The following NSMCE1 variants were observed in gnomAD, a reference collection of about 807,000 sequenced individuals.
The protein encoded by NSMCE1 is NSE1 component of SMC5/6 complex.
In NSMCE1, 18 loss-of-function variants were observed where a neutral mutation model predicts 29.6. The ratio of observed to expected loss-of-function variants is 0.61; its 90% confidence interval spans 0.42 to 0.90. The LOEUF (loss-of-function observed/expected upper bound fraction) is 0.90. NSMCE1 is among the 40% of genes least tolerant of loss of function. The pLI, the probability that NSMCE1 is intolerant of heterozygous loss-of-function variation, is 0.00. For synonymous variants in NSMCE1, 124 were observed against 133.4 expected, an observed-to-expected ratio of 0.93 and a Z score of 0.49; for missense variants, 314 against 343.6, an observed-to-expected ratio of 0.91 and a Z score of 0.68.
intron 2 of NSMCE1, among the ~76,000 whole-genome samples, chr16:27,253,680 G>A (rs1045335507): frequency 9.9e-5 from 15 of 152,168 alleles, no homozygotes; most frequent in Non-Finnish European, 1.9e-4. Context: ...TATGACTCAT[G>A]AGAGCCATGG....
chr16:27,229,782 TC>T (rs2083743380), intron 5 of NSMCE1, among the ~76,000 whole-genome samples: 1 of 152,186 alleles, frequency 6.6e-6, no homozygotes, highest in South Asian at 2.1e-4. Context: ...TTTCACCATA[TC>T]GGCCAGGCTG....
At chr16:27,267,535 G>C (rs1216405518) in intron 1 of NSMCE1, among the ~76,000 whole-genome samples, 1 of 151,904 alleles carries the variant, frequency 6.6e-6, no homozygotes, top group South Asian at 2.1e-4. Context: ...TGAGAAAAGT[G>C]AGTGAACAGA....
At chr16:27,235,414 G>A in intron 2 of NSMCE1, 115 bp from the exon 3 acceptor site, 5 of 1,167,662 alleles carry the variant, frequency 4.3e-6, no homozygotes, top group South Asian at 1.3e-5. Flanking sequence ...CCCCAGACAT[G>A]GGTGGAGGCT....
At chr16:27,252,583 G>C (rs1473788839) in intron 2 of NSMCE1, among the ~76,000 whole-genome samples, 1 of 152,046 alleles carries the variant, frequency 6.6e-6, no homozygotes, top group East Asian at 1.9e-4. Flanking sequence ...AGGTGTTCGA[G>C]ACCAGCCTAG....
intron 1 of NSMCE1, among the ~76,000 whole-genome samples, chr16:27,262,924 G>T (rs896432977): frequency 6.6e-6 from 1 of 152,042 alleles, no homozygotes; most frequent in Non-Finnish European, 1.5e-5. Flanking sequence ...CATACATGTG[G>T]TCAACAAGCA....
rs1567273455 is a variant in NSMCE1, at chr16:27,232,907, C to T, written c.483+94G>A. On this transcript the variant is annotated intron_variant, in intron 5 of 7. Transcript: ENST00000361439. The surrounding 1 kb of genome is among the most constrained non-coding windows in gnomAD (Gnocchi z 4.5). ...TAAGGGATCCGAGAAGGCCGGGCTC[C>T]TCAGACATCAGTTGGCTACAAGTAC... 15 of 1,355,746 alleles carry T rather than the reference C, an allele frequency of 1.1e-5. No individual in the cohort carries two copies. The highest frequency in any genetic ancestry group is 1.2e-5 in the Non-Finnish European group (12 of 969,014). The allele number at this position is 1,355,746 out of a possible 1,614,324, so 84.0% of individuals were successfully genotyped here.
At chr16:27,266,056 T>C (rs534374580) in intron 1 of NSMCE1, among the ~76,000 whole-genome samples, 31 of 152,266 alleles carry the variant, frequency 2.0e-4, no homozygotes, top group Admixed American at 1.9e-3. Context: ...CACAATTGTA[T>C]AGGTATGTTA....
At chr16:27,226,642 G>A in intron 6 of NSMCE1, 78 bp downstream of exon 6, 2 of 917,612 alleles carry the variant, frequency 2.2e-6, no homozygotes, top group South Asian at 1.5e-5. Flanking sequence ...CCAGAGCCAG[G>A]ATTCCGGGAA....
At chr16:27,250,804 T>A (rs1448414547) in intron 2 of NSMCE1, among the ~76,000 whole-genome samples, 1 of 149,584 alleles carries the variant, frequency 6.7e-6, no homozygotes, top group Non-Finnish European at 1.5e-5. Context: ...AAAAATAAAA[T>A]AAAATAATAA....
At chr16:27,236,292 CTTTTT>C (rs35108912) in intron 2 of NSMCE1, among the ~76,000 whole-genome samples, 7 of 92,108 alleles carry the variant, frequency 7.6e-5, no homozygotes, top group African/African-American at 2.5e-4. Context: ...TGCTGTGAAA[CTTTTT>C]TTTTTTTTTT....
chr16:27,238,211 C>T (rs1039009632), intron 2 of NSMCE1, among the ~76,000 whole-genome samples: 2 of 152,222 alleles, frequency 1.3e-5, no homozygotes, highest in Admixed American at 6.5e-5. Context: ...TGGGGCCCTG[C>T]GTGAGCCTCT....
rs765473129 is a variant in NSMCE1, at chr16:27,240,589, C to T, written c.137-5290G>A. ...CTGAGGAAAGGCAAAGACCCTGGAG[C>T]GAACAGAGCCACTCTTCCTTTAACA... On this transcript the variant is annotated intron_variant, in intron 2 of 7. Transcript: ENST00000361439. Among the ~76,000 whole-genome samples, 10 of 152,244 alleles carry T rather than the reference C, an allele frequency of 6.6e-5. No individual in the cohort carries two copies. In the East Asian group the frequency reaches 7.7e-4, roughly 12 times the overall value.
intron 2 of NSMCE1, among the ~76,000 whole-genome samples, chr16:27,249,269 A>C (rs1218809317): frequency 6.6e-6 from 1 of 152,174 alleles, no homozygotes; most frequent in African/African-American, 2.4e-5. Context: ...GTATTTTTTA[A>C]TGTAAATTTT....
chr16:27,233,785 A>G (rs2083787293), intron 4 of NSMCE1, among the ~76,000 whole-genome samples: 1 of 152,256 alleles, frequency 6.6e-6, no homozygotes, highest in African/African-American at 2.4e-5. Flanking sequence ...GGCACCTGGC[A>G]AAAATGCAGA....
Position 27,235,234 on chromosome 16 carries a change from A to G in NSMCE1, c.202T>C (p.Tyr68His). The change falls in exon 3 of 8, where the codon TAT becomes CAT. Residue 68 changes from tyrosine to histidine, a missense_variant. Coordinates refer to ENST00000361439, the MANE Select transcript of NSMCE1 (RefSeq NM_145080.4). ...NNINSVLESL[Y>H]IEIKRGVTED... ...GTGACTCCTCTCTTTATCTCAATAT[A>G]CAAGGACTCCAAGACACTGTTAATG... 6.2e-7 allele frequency: 1 copy of G among 1,613,734 alleles called. No homozygotes were observed. Among genetic ancestry groups the G allele is most frequent in the Non-Finnish European group, 8.5e-7 (1 of 1,179,724 alleles).
chr16:27,234,355 T>C, intron 3 of NSMCE1, 90 bp from the exon 4 acceptor site: 1 of 857,836 alleles, frequency 1.2e-6, no homozygotes, highest in Admixed American at 1.7e-5. Flanking sequence ...CTCCTCCATC[T>C]CTGGCCAGTC....
intron 2 of NSMCE1, chr16:27,241,943 A>T (rs1464112421): frequency 5.1e-6 from 2 of 393,792 alleles, no homozygotes; most frequent in East Asian, 1.5e-4. Context: ...ATGTCTGGCC[A>T]TTAGCTGGAT....
At chr16:27,242,810 C>T (rs4499236) in intron 2 of NSMCE1, among the ~76,000 whole-genome samples, 90,236 of 152,098 alleles carry the variant, frequency 0.59, 27,593 homozygotes, top group East Asian at 0.84. Flanking sequence ...GCAGCTCTGA[C>T]ACCTTCTGTG....
intron 5 of NSMCE1, among the ~76,000 whole-genome samples, chr16:27,229,886 A>T (rs1306022876): frequency 6.6e-6 from 1 of 152,152 alleles, no homozygotes; most frequent in Non-Finnish European, 1.5e-5. Flanking sequence ...GCCAAGCTGC[A>T]TTTACTGAAC....
Sources: gnomAD v4.1 joint callset for allele counts (sites outside exome capture counted in the v4.1 genomes callset) on GRCh38, gnomAD v4.1.1 for gene constraint, Gnocchi (gnomAD v3.1) non-coding constraint, MANE v1.5 for transcripts, NCBI Gene and HGNC (gene_info 2026-07-23, HGNC 2026-07-21) for gene names.